Variants in LGR5 observed in about 807,000 individuals in gnomAD.
LGR5 encodes the protein leucine-rich repeat-containing G protein-coupled receptor 5.
Under a neutral mutation model 76.7 loss-of-function variants are expected in LGR5, and 54 were observed. That is an observed-to-expected ratio of 0.70 (90% CI 0.57 to 0.88). LGR5 has a LOEUF of 0.88. Ranked by LOEUF, LGR5 falls within the 40% of genes least tolerant of loss-of-function variation. The pLI is 0.00. For synonymous variants in LGR5, 406 were observed against 421.9 expected (o/e 0.96, Z 0.46); for missense variants, 1,078 against 1,073.3 (o/e 1.00, Z -0.06).
At chr12:71,489,583 T>C (rs1592484588) in intron 1 of LGR5, among the ~76,000 whole-genome samples, 1 of 152,342 alleles carries the variant, frequency 6.6e-6, no homozygotes, top group South Asian at 2.1e-4. Flanking sequence ...TATTTAGGTT[T>C]AGTTTTATGA....
Position 71,553,102 on chromosome 12 carries a change from T to A in LGR5, c.458T>A (p.Val153Glu). 6.2e-7 allele frequency: 1 copy of A among 1,614,012 alleles called. No homozygotes were observed. ...CTGGATGCTAACCACATCAGCTATG[T>A]GCCCCCAAGCTGTTTCAGTGGCCTG... is the stretch of plus-strand genomic sequence containing the variant. ...LRLDANHISY[V>E]PPSCFSGLHS... Residue 153 changes from valine (V) to glutamate (E), a missense_variant, in exon 5 of 18, where the codon GTG becomes GAG. Val to Glu is a moderately radical substitution (Grantham distance 121). Coordinates refer to ENST00000266674, the MANE Select transcript of LGR5 (RefSeq NM_003667.4).
intron 2 of LGR5, among the ~76,000 whole-genome samples, chr12:71,523,929 T>A (rs866270861): frequency 6.6e-6 from 1 of 152,206 alleles, no homozygotes; most frequent in East Asian, 1.9e-4. Context: ...AAAAATTGAT[T>A]GTGATAGTCT....
intron 12 of LGR5, among the ~76,000 whole-genome samples, chr12:71,572,330 T>C (rs925307200): frequency 6.6e-6 from 1 of 152,066 alleles, no homozygotes; most frequent in Non-Finnish European, 1.5e-5. Flanking sequence ...GACCTGCCCA[T>C]CTCAGCCTCC....
chr12:71,475,447 G>A (rs537505597), intron 1 of LGR5, among the ~76,000 whole-genome samples: 8 of 152,234 alleles, frequency 5.3e-5, no homozygotes, highest in South Asian at 2.1e-4. Context: ...ACTTCTCAAC[G>A]TGACATATGA....
At chr12:71,531,725 G>T (rs1283625948) in intron 3 of LGR5, among the ~76,000 whole-genome samples, 1 of 152,038 alleles carries the variant, frequency 6.6e-6, no homozygotes, top group East Asian at 1.9e-4. Flanking sequence ...AAAATTAGCC[G>T]GCGGTAGTGG....
rs115232094 is a variant in LGR5 at position 71,563,664 on chromosome 12, A to T, written c.857+1812A>T. Among the ~76,000 whole-genome samples the T allele has an allele frequency of 4.5e-3, 690 of 152,238 alleles. 6 individuals carry two copies. Among genetic ancestry groups the T allele is most frequent in the African/African-American group, 0.016 (664 of 41,550 alleles). ...TTTTCTTACTTCCTTTGCTCCTACG[A>T]TCCCATTCCCTCACTATGCTTCTTG... On this transcript the variant is annotated intron_variant, in intron 8 of 17. Transcript: ENST00000266674.
At chr12:71,569,934 T>TCACC (rs1878525216) in intron 11 of LGR5, among the ~76,000 whole-genome samples, 1 of 152,086 alleles carries the variant, frequency 6.6e-6, no homozygotes, top group Non-Finnish European at 1.5e-5. Flanking sequence ...ATAGACTGGA[T>TCACC]AAAGAAAATG....
At chr12:71,455,008 A>G (rs1244402441) in intron 1 of LGR5, among the ~76,000 whole-genome samples, 1 of 152,144 alleles carries the variant, frequency 6.6e-6, no homozygotes, top group African/African-American at 2.4e-5. Context: ...GCAGGAGACT[A>G]GTACACTAGA....
At chr12:71,564,814 A>G (rs1389766796) in intron 8 of LGR5, among the ~76,000 whole-genome samples, 2 of 149,668 alleles carry the variant, frequency 1.3e-5, no homozygotes, top group African/African-American at 2.4e-5. Flanking sequence ...CACACACTGT[A>G]TATAGATACA....
At chr12:71,475,910 T>C (rs1565672875) in intron 1 of LGR5, among the ~76,000 whole-genome samples, 1 of 152,190 alleles carries the variant, frequency 6.6e-6, no homozygotes, top group East Asian at 1.9e-4. Flanking sequence ...TGAAGATCTT[T>C]ATTCTATACA....
chr12:71,578,581 C>T (rs1054245811), intron 14 of LGR5, among the ~76,000 whole-genome samples: 2 of 152,124 alleles, frequency 1.3e-5, no homozygotes, highest in Non-Finnish European at 2.9e-5. Context: ...GAATATAGAA[C>T]AATTTGAATA....
At chr12:71,518,690 C>G (rs1433638667) in intron 2 of LGR5, among the ~76,000 whole-genome samples, 2 of 152,050 alleles carry the variant, frequency 1.3e-5, no homozygotes, top group Non-Finnish European at 2.9e-5. Flanking sequence ...AAGATCATGT[C>G]CTTTGCAGAA....
chr12:71,484,862 G>A lies in LGR5; in HGVS notation c.213-19752G>A, dbSNP rs150431828. On this transcript the variant is annotated intron_variant, in intron 1 of 17. Transcript: ENST00000266674. Reference sequence around the variant, plus strand: ...TATCTATGGAGATTAGAATGATAATGTAAAAATTTTCAAACGAGCTTTGGT... The same window carrying A: ...TATCTATGGAGATTAGAATGATAATATAAAAATTTTCAAACGAGCTTTGGT... Among the ~76,000 whole-genome samples the A allele has an allele frequency of 3.6e-3, 549 of 152,308 alleles. 9 individuals carry two copies. Among genetic ancestry groups the A allele is most frequent in the African/African-American group, 0.013 (521 of 41,568 alleles).
At chr12:71,522,603 T>C (rs1875779093) in intron 2 of LGR5, among the ~76,000 whole-genome samples, 2 of 152,120 alleles carry the variant, frequency 1.3e-5, no homozygotes, top group Admixed American at 1.3e-4. Flanking sequence ...CACTCTGCTG[T>C]TTGTCTACTC....
rs1259694032 is a variant in LGR5, at chr12:71,583,997, G to A, written c.1987G>A (p.Gly663Arg). Reference protein sequence around the residue: ...FLLTLAALERGFSVKYSAKFE... With the variant: ...FLLTLAALERRFSVKYSAKFE... The stretch of plus-strand genomic sequence containing the variant: ...GCTTACTCTGGCAGCCCTGGAGCGT[G>A]GGTTCTCTGTGAAATATTCTGCAAA... Residue 663 changes from glycine to arginine, a missense_variant, in exon 18 of 18, where the codon GGG becomes AGG. By Grantham distance (125) the Gly-to-Arg change is moderately radical. Coordinates refer to ENST00000266674, the MANE Select transcript of LGR5 (RefSeq NM_003667.4). The A allele has an allele frequency of 1.9e-6, 3 of 1,614,178 alleles. No individual in the cohort carries two copies. The Admixed American group carries it at 5.0e-5, about 27-fold the overall frequency.
chr12:71,459,510 A>G (rs1359148005), intron 1 of LGR5, among the ~76,000 whole-genome samples: 3 of 152,068 alleles, frequency 2.0e-5, no homozygotes, highest in Non-Finnish European at 4.4e-5. Context: ...AACTCTCCCA[A>G]TTTTTGTTCA....
intron 1 of LGR5, among the ~76,000 whole-genome samples, chr12:71,474,907 T>C (rs1352404811): frequency 6.6e-6 from 1 of 152,170 alleles, no homozygotes; most frequent in East Asian, 1.9e-4. Flanking sequence ...GGAGATTAAA[T>C]TGCCTTTGGG....
intron 17 of LGR5, among the ~76,000 whole-genome samples, chr12:71,582,767 G>A (rs1248512941): frequency 6.6e-6 from 1 of 152,096 alleles, no homozygotes; most frequent in East Asian, 1.9e-4. Context: ...TAATGTAAAC[G>A]AAAGAATCAA....
Position 71,583,926 on chromosome 12 carries a change from T to G in LGR5, c.1916T>G (p.Val639Gly). 6.2e-7 allele frequency: 1 copy of G among 1,614,186 alleles called. No homozygotes were observed. The highest frequency in any genetic ancestry group is 8.5e-7 in the Non-Finnish European group (1 of 1,180,040). ...AWWENGVGCHVIGFLSIFASE... is the reference protein window; with the variant it reads ...AWWENGVGCHGIGFLSIFASE... The stretch of plus-strand genomic sequence containing the variant: ...TGGGAGAATGGGGTTGGTTGCCATG[T>G]CATTGGTTTTTTGTCCATTTTTGCT... Residue 639 changes from valine (V) to glycine (G), a missense_variant, in exon 18 of 18, where the codon GTC (valine) becomes GGC (glycine). Coordinates refer to ENST00000266674, the MANE Select transcript of LGR5 (RefSeq NM_003667.4).
Sources: gnomAD v4.1 joint callset for allele counts (sites outside exome capture counted in the v4.1 genomes callset) on GRCh38, gnomAD v4.1.1 for gene constraint, MANE v1.5 for transcripts, NCBI Gene and HGNC (gene_info 2026-07-23, HGNC 2026-07-21) for gene names.